Variants in ZNF730 observed in about 807,000 individuals in gnomAD.
ZNF730 encodes putative zinc finger protein 730.
In ZNF730, 12 loss-of-function variants were observed where a neutral mutation model predicts 12.6. That is an observed-to-expected ratio of 0.95 (90% confidence interval 0.61 to 1.54). ZNF730 has a LOEUF of 1.54. ZNF730 is among the 40% of genes most tolerant of loss of function. ZNF730 has a pLI of 0.00. For synonymous variants in ZNF730, 194 were observed against 195.8 expected, an observed-to-expected ratio of 0.99 and a Z score of 0.08; for missense variants, 643 against 583.5, an observed-to-expected ratio of 1.10 and a Z score of -1.05.
chr19:23,097,474 G>T (rs1970272498), intron 1 of ZNF730, among the ~76,000 whole-genome samples: 1 of 152,016 alleles, frequency 6.6e-6, no homozygotes, highest in Non-Finnish European at 1.5e-5. Flanking sequence ...ATATTGCTGG[G>T]CCCAACACCA....
intron 1 of ZNF730, among the ~76,000 whole-genome samples, chr19:23,129,665 T>C (rs1012878364): frequency 6.6e-6 from 1 of 150,490 alleles, no homozygotes; most frequent in African/African-American, 2.5e-5. Context: ...AGATAAGACA[T>C]TGAATTGTGG....
At chr19:23,115,016 G>C (rs1164736589), upstream of ZNF730, among the ~76,000 whole-genome samples, 1 of 152,084 alleles carries the variant, frequency 6.6e-6, no homozygotes, top group Non-Finnish European at 1.5e-5. Flanking sequence ...CTGAGCTCAA[G>C]TTATTCTCCC....
At chr19:23,127,794 C>A (rs2145634633) in intron 1 of ZNF730, 1 of 745,348 alleles carries the variant, frequency 1.3e-6, no homozygotes. Context: ...GTCTTCCATC[C>A]TGGCTGCTCC....
chr19:23,078,286 C>T (rs528796856), intron 1 of ZNF730, among the ~76,000 whole-genome samples: 1 of 150,158 alleles, frequency 6.7e-6, no homozygotes, highest in Non-Finnish European at 1.5e-5. Flanking sequence ...ATATTATTCC[C>T]GGAGAGTGAT....
chr19:23,109,233 A>G (rs1488749836), intron 1 of ZNF730, among the ~76,000 whole-genome samples: 1 of 151,858 alleles, frequency 6.6e-6, no homozygotes, highest in East Asian at 2.0e-4. Flanking sequence ...AAAATGTATG[A>G]AATTTCCTTT....
At chr19:23,078,139 TCCCCCAGCCTG>T (rs1969899991) in intron 1 of ZNF730, among the ~76,000 whole-genome samples, 3 of 151,956 alleles carry the variant, frequency 2.0e-5, no homozygotes, top group African/African-American at 7.3e-5. Context: ...GACCTGACCG[TCCCCCAGCCTG>T]ACATGGGTAA....
Position 23,118,992 on chromosome 19 carries a change from CAG to C in ZNF730, c.3+1820_3+1821del, listed in dbSNP as rs774493128. Among the ~76,000 whole-genome samples, 6 of 152,272 alleles carry C rather than the reference CAG, an allele frequency of 3.9e-5. No individual in the cohort carries two copies. In the East Asian group the frequency reaches 9.7e-4, roughly 24 times the overall value. On this transcript the variant is annotated intron_variant, in intron 1 of 3. Coordinates refer to ENST00000597761, the MANE Select transcript of ZNF730 (RefSeq NM_001277403.2). ...AAAAAGAAAAAGAATCATCTGCAAA[CAG>C]AGATTGTTTTAATTTCCTCTCTTCC... is the stretch of plus-strand genomic sequence containing the variant.
At position 23,119,036 on chromosome 19, in the gene ZNF730, A is replaced by C. The variant is rs185443038; in HGVS notation, c.3+1860A>C. 1.3e-3 allele frequency among the ~76,000 whole-genome samples: 197 copies of C among 152,176 alleles called. 1 individual carries two copies. Among genetic ancestry groups the C allele is most frequent in the African/African-American group, 4.4e-3 (184 of 41,532 alleles). On this transcript the variant is annotated intron_variant, in intron 1 of 3. Coordinates refer to ENST00000597761, the MANE Select transcript of ZNF730 (RefSeq NM_001277403.2). ...CTCTCTTCCTGTTTGGATGTGTTTT[A>C]TTTCTTTCTCTTGCCTGAATGCTCT...
At chr19:23,120,064 G>A (rs1213365966) in intron 1 of ZNF730, among the ~76,000 whole-genome samples, 4 of 147,516 alleles carry the variant, frequency 2.7e-5, no homozygotes, top group Admixed American at 1.4e-4. Flanking sequence ...GTGGGATTTC[G>A]GCTCACTGCA....
chr19:23,086,557 C>CTCA (rs1246748143), intron 1 of ZNF730, among the ~76,000 whole-genome samples: 6 of 152,096 alleles, frequency 3.9e-5, no homozygotes, highest in African/African-American at 1.4e-4. Context: ...AAATTCTTTG[C>CTCA]TCATTGCTTT....
intron 1 of ZNF730, among the ~76,000 whole-genome samples, chr19:23,102,670 A>G (rs960837402): frequency 1.3e-5 from 2 of 151,140 alleles, no homozygotes; most frequent in Non-Finnish European, 2.9e-5. Flanking sequence ...TAATTTTTGT[A>G]TTTTCCGTAG....
chr19:23,135,084 C>G (rs1346321861), intron 2 of ZNF730, among the ~76,000 whole-genome samples: 1 of 138,732 alleles, frequency 7.2e-6, no homozygotes, highest in Non-Finnish European at 1.5e-5. Flanking sequence ...GACACAAACA[C>G]TGTGGAAGGC....
At chr19:23,134,531 T>C (rs1970797346) in intron 2 of ZNF730, among the ~76,000 whole-genome samples, 1 of 142,702 alleles carries the variant, frequency 7.0e-6, no homozygotes, top group Non-Finnish European at 1.5e-5. Context: ...GGGGCGCCTC[T>C]GCCCGGCCGC....
chr19:23,130,351 C>T (rs1298066765), intron 1 of ZNF730, among the ~76,000 whole-genome samples: 1 of 152,198 alleles, frequency 6.6e-6, no homozygotes, highest in Non-Finnish European at 1.5e-5. Context: ...GAGGCCTCCT[C>T]AGCCACGTAG....
chr19:23,127,157 G>T (rs1346103620), intron 1 of ZNF730: 3 of 528,792 alleles, frequency 5.7e-6, no homozygotes, highest in African/African-American at 1.9e-5. Context: ...AGAAATGTTT[G>T]TTCATGCTCA....
At chr19:23,098,750 A>G (rs932131920) in intron 1 of ZNF730, among the ~76,000 whole-genome samples, 6 of 152,064 alleles carry the variant, frequency 3.9e-5, no homozygotes, top group Non-Finnish European at 8.8e-5. Flanking sequence ...AAAATTTTAC[A>G]TATCATTTGC....
At chr19:23,124,945 A>T (rs375449623) in intron 1 of ZNF730, among the ~76,000 whole-genome samples, 1 of 152,182 alleles carries the variant, frequency 6.6e-6, no homozygotes, top group East Asian at 1.9e-4. Context: ...CAGTTTCTAC[A>T]TGTTGTGGTA....
chr19:23,126,022 C>T (rs118012160), intron 1 of ZNF730, among the ~76,000 whole-genome samples: 1 of 152,268 alleles, frequency 6.6e-6, no homozygotes, highest in East Asian at 1.9e-4. Flanking sequence ...ATAAAGATTA[C>T]ATAAAATCTG....
chr19:23,111,530 T>C (rs1382360233), intron 1 of ZNF730, among the ~76,000 whole-genome samples: 1 of 152,096 alleles, frequency 6.6e-6, no homozygotes, highest in Non-Finnish European at 1.5e-5. Flanking sequence ...GTGGAACACT[T>C]GAGGTCAGGA....
Sources: gnomAD v4.1 joint callset for allele counts (sites outside exome capture counted in the v4.1 genomes callset) on GRCh38, gnomAD v4.1.1 for gene constraint, MANE v1.5 for transcripts, NCBI Gene and HGNC (gene_info 2026-07-23, HGNC 2026-07-21) for gene names.